The following IL15 variants were observed in gnomAD, a reference collection of about 807,000 sequenced individuals.
IL15 encodes interleukin-15.
Under a neutral mutation model 19.6 loss-of-function variants are expected in IL15, and 11 were observed. That is an observed-to-expected ratio of 0.56 (90% CI 0.35 to 0.93). IL15 has a LOEUF of 0.93. IL15 is among the 40% of genes least tolerant of loss of function. The probability of loss-of-function intolerance (pLI) is 0.01; values close to 1 mark genes in which losing one functional copy is unlikely to be tolerated. For missense variants in IL15, 197 were observed against 186.5 expected (o/e 1.06, Z -0.33); for synonymous variants, 58 against 59.6 (o/e 0.97, Z 0.12).
At chr4:141,672,856 G>A (rs1174354945) in intron 2 of IL15, among the ~76,000 whole-genome samples, 2 of 152,108 alleles carry the variant, frequency 1.3e-5, no homozygotes, top group African/African-American at 4.8e-5. Context: ...GCCCTCTCAG[G>A]TTGAAGCGCA....
At chr4:141,661,797 T>C (rs958321765) in intron 2 of IL15, among the ~76,000 whole-genome samples, 1 of 152,146 alleles carries the variant, frequency 6.6e-6, no homozygotes, top group Non-Finnish European at 1.5e-5. Flanking sequence ...TTCTGTTTTT[T>C]GTTATTGTTG....
In IL15 at chr4:141,729,916, G is replaced by A; in HGVS notation, c.310G>A (p.Asp104Asn). 6.3e-7 allele frequency: 1 copy of A among 1,588,560 alleles called. No individual in the cohort carries two copies. Among genetic ancestry groups the A allele is most frequent in the Non-Finnish European group, 8.6e-7 (1 of 1,156,842 alleles). Residue 104 changes from aspartate to asparagine, a missense_variant, in exon 7 of 8, where the codon GAT (aspartate) becomes AAT (asparagine). Coordinates refer to ENST00000320650, the MANE Select transcript of IL15 (RefSeq NM_000585.5). ...ACAAGTTATTTCACTTGAGTCCGGAGATGCAAGTATTCATGATACAGTAGA... is the reference window on the plus strand; with the variant it reads ...ACAAGTTATTTCACTTGAGTCCGGAAATGCAAGTATTCATGATACAGTAGA... ...ELQVISLESGDASIHDTVENL... is the reference protein window; with the variant it reads ...ELQVISLESGNASIHDTVENL...
At chr4:141,675,698 A>G (rs955286694) in intron 2 of IL15, among the ~76,000 whole-genome samples, 18 of 152,230 alleles carry the variant, frequency 1.2e-4, no homozygotes, top group African/African-American at 3.9e-4. Flanking sequence ...GATATGTACC[A>G]TAAAATGAGG....
intron 5 of IL15, among the ~76,000 whole-genome samples, chr4:141,725,136 C>T (rs571569925): frequency 6.6e-6 from 1 of 152,168 alleles, no homozygotes; most frequent in East Asian, 1.9e-4. Flanking sequence ...AAGTCTTGCT[C>T]AATTATTTGA....
chr4:141,676,655 C>A (rs1728360165), intron 2 of IL15, among the ~76,000 whole-genome samples: 1 of 152,100 alleles, frequency 6.6e-6, no homozygotes, highest in African/African-American at 2.4e-5. Context: ...GCCATGAAGG[C>A]CATTAGCCCA....
At chr4:141,657,530 CA>C (rs1451771243) in intron 2 of IL15, among the ~76,000 whole-genome samples, 4 of 152,074 alleles carry the variant, frequency 2.6e-5, no homozygotes, top group South Asian at 4.1e-4. Context: ...TACAGCTGTA[CA>C]AAAATGTTTC....
intron 1 of IL15, 66 bp from the exon 2 acceptor site, chr4:141,656,120 T>C: frequency 2.5e-6 from 1 of 397,348 alleles, no homozygotes; most frequent in Non-Finnish European, 4.4e-6. Context: ...ACCATAAATC[T>C]GAGGAAGGGA....
chr4:141,704,611 G>A, intron 2 of IL15: 2 of 388,662 alleles, frequency 5.1e-6, no homozygotes, highest in South Asian at 3.8e-5. Flanking sequence ...GTAGTTTGAG[G>A]AGAATTGGTG....
intron 2 of IL15, among the ~76,000 whole-genome samples, chr4:141,677,036 A>G (rs1221719133): frequency 1.3e-5 from 2 of 152,366 alleles, no homozygotes; most frequent in South Asian, 4.1e-4. Context: ...GGACCCTTCT[A>G]TGATACAGGC....
intron 2 of IL15, among the ~76,000 whole-genome samples, chr4:141,667,875 T>C (rs1728043800): frequency 6.6e-6 from 1 of 152,220 alleles, no homozygotes; most frequent in South Asian, 2.1e-4. Flanking sequence ...TGAACATCAC[T>C]GTCGTCATCT....
chr4:141,674,897 C>A (rs113808311), intron 2 of IL15, among the ~76,000 whole-genome samples: 117 of 152,174 alleles, frequency 7.7e-4, no homozygotes, highest in African/African-American at 2.7e-3. Flanking sequence ...TATCATAGTT[C>A]TGTAGATCAG....
intron 2 of IL15, among the ~76,000 whole-genome samples, chr4:141,679,917 G>A (rs1343957963): frequency 6.6e-6 from 1 of 152,170 alleles, no homozygotes; most frequent in Admixed American, 6.5e-5. Flanking sequence ...CTTCCTAGAA[G>A]GGAGGACATT....
intron 4 of IL15, 76 bp from the exon 5 acceptor site, chr4:141,721,848 T>C (rs1730092853): frequency 1.6e-6 from 2 of 1,260,452 alleles, no homozygotes; most frequent in Admixed American, 2.2e-5. Context: ...AAATTATTGA[T>C]TGCTCTTTTG....
At chr4:141,697,373 C>T (rs1413320162) in intron 2 of IL15, among the ~76,000 whole-genome samples, 1 of 152,044 alleles carries the variant, frequency 6.6e-6, no homozygotes, top group Non-Finnish European at 1.5e-5. Flanking sequence ...GTCTACATGC[C>T]TATTTTCATT....
In IL15 at chr4:141,727,932, C is replaced by T. The variant is rs766629923; in HGVS notation, c.196-8C>T. 25 of 1,192,190 alleles carry T rather than the reference C, an allele frequency of 2.1e-5. No individual in the cohort carries two copies. The highest frequency in any genetic ancestry group is 8.0e-5 in the Admixed American group (4 of 50,022). The allele number at this position is 1,192,190 out of a possible 1,614,324, so 73.9% of individuals were successfully genotyped here. ...TTTTTAATATTGTCTAATTTTGTTT[C>T]CTTTCAGTCTATGCATATTGATGCT... On this transcript the variant is annotated splice_polypyrimidine_tract_variant and splice_region_variant and intron_variant, in intron 5 of 7. Transcript: ENST00000320650.
At chr4:141,702,314 C>A (rs73851506) in intron 2 of IL15, among the ~76,000 whole-genome samples, 1 of 152,148 alleles carries the variant, frequency 6.6e-6, no homozygotes, top group Non-Finnish European at 1.5e-5. Flanking sequence ...GCAGTGATTA[C>A]TATTGATCTT....
At chr4:141,683,797 C>A (rs546673715) in intron 2 of IL15, among the ~76,000 whole-genome samples, 1 of 152,166 alleles carries the variant, frequency 6.6e-6, no homozygotes, top group South Asian at 2.1e-4. Context: ...CAGAAAAGAG[C>A]TTTAGGTCGG....
At chr4:141,674,617 C>T (rs1345356828) in intron 2 of IL15, among the ~76,000 whole-genome samples, 1 of 151,864 alleles carries the variant, frequency 6.6e-6, no homozygotes, top group Non-Finnish European at 1.5e-5. Flanking sequence ...TAAAAAATCT[C>T]TGAAGTTTCA....
chr4:141,693,352 GA>G (rs1266151481), intron 2 of IL15, among the ~76,000 whole-genome samples: 1 of 152,096 alleles, frequency 6.6e-6, no homozygotes, highest in Non-Finnish European at 1.5e-5. Context: ...ATTTGGGTGG[GA>G]ACACAGAGCC....
Sources: allele counts gnomAD v4.1 joint callset (sites outside exome capture counted in the v4.1 genomes callset), GRCh38; gene constraint gnomAD v4.1.1; transcripts MANE v1.5; gene names NCBI Gene and HGNC (gene_info 2026-07-23, HGNC 2026-07-21).